Variants in IGF2R observed in about 807,000 individuals in gnomAD.
IGF2R encodes the protein insulin like growth factor 2 receptor.
Under a neutral mutation model 270.6 loss-of-function variants are expected in IGF2R, and 91 were observed. The ratio of observed to expected loss-of-function variants is 0.34; its 90% confidence interval spans 0.28 to 0.40. IGF2R has a LOEUF of 0.40. IGF2R is among the 10% of genes least tolerant of loss of function. The probability of loss-of-function intolerance (pLI) is 1.00; values close to 1 mark genes in which losing one functional copy is unlikely to be tolerated. For synonymous variants in IGF2R, 1,316 were observed against 1,258.9 expected (o/e 1.05, Z -0.96); for missense variants, 2,805 against 3,188.3 (o/e 0.88, Z 2.90).
In IGF2R at chr6:160,070,066, A is replaced by G. The variant is rs755209669; in HGVS notation, c.4443+8A>G. 6.2e-7 allele frequency: 1 copy of G among 1,613,670 alleles called. No homozygotes were observed. Among genetic ancestry groups the G allele is most frequent in the South Asian group, 1.1e-5 (1 of 90,998 alleles). The stretch of plus-strand genomic sequence containing the variant: ...TGCAGCGAGAGCCAAGTGGTAAGGG[A>G]CTGTTCCTGCACCTTCTGCTGTTGC... On this transcript the variant is annotated splice_region_variant and intron_variant, in intron 31 of 47. Coordinates refer to ENST00000356956, the MANE Select transcript of IGF2R (RefSeq NM_000876.4).
rs543225525 is a variant in IGF2R, at chr6:160,030,748, G to A, written c.882+1093G>A. On this transcript the variant is annotated intron_variant, in intron 7 of 47. Coordinates refer to ENST00000356956, the MANE Select transcript of IGF2R (RefSeq NM_000876.4). ...TTGGGAGTTTTCCTCCTTTTTCTTC[G>A]AAGGGGTATGAGGCATTTCTTGGTG... is the stretch of plus-strand genomic sequence containing the variant. Among the ~76,000 whole-genome samples, 10 of 151,878 alleles carry A rather than the reference G, an allele frequency of 6.6e-5. No individual in the cohort carries two copies. In the South Asian group the frequency reaches 2.1e-3, roughly 32 times the overall value.
chr6:160,035,807 G>A (rs761151138), intron 10 of IGF2R, among the ~76,000 whole-genome samples: 12 of 152,196 alleles, frequency 7.9e-5, no homozygotes, highest in Non-Finnish European at 1.3e-4. Context: ...AGAGTAGAGC[G>A]AGTGCTTAGT....
chr6:160,037,155 T>C (rs1291506427), intron 10 of IGF2R, among the ~76,000 whole-genome samples: 1 of 152,180 alleles, frequency 6.6e-6, no homozygotes, highest in Non-Finnish European at 1.5e-5. Flanking sequence ...ATCGTTGTAC[T>C]TAACAAAATT....
chr6:159,971,114 C>T (rs998623000), intron 1 of IGF2R, among the ~76,000 whole-genome samples: 16 of 152,124 alleles, frequency 1.1e-4, no homozygotes, highest in Admixed American at 2.0e-4. Flanking sequence ...AGAAATTAAC[C>T]CAGCTGGCCT....
At chr6:160,083,857 A>G (rs1333502062) in intron 39 of IGF2R, 93 bp from the exon 40 acceptor site, 12 of 882,534 alleles carry the variant, frequency 1.4e-5, no homozygotes, top group Admixed American at 1.9e-5. Context: ...TTTAAAGTAC[A>G]GGGCTTTTTC....
rs1583309711 is a variant in IGF2R at position 160,103,907 on chromosome 6, A to G, written c.7065+92A>G. The G allele has an allele frequency of 6.0e-6, 5 of 836,628 alleles. No homozygotes were observed. The East Asian group carries it at 1.3e-4, about 21-fold the overall frequency. 51.8% of individuals were successfully genotyped at this position (836,628 alleles called of 1,614,324 possible). A position where few individuals can be genotyped will look rare whatever the true frequency, so the allele number is the denominator to read the frequency against. ...CGTTCTCATCAGGGGTGCCAAGGAAAGCAGTCACAGGCTGACTGGAATCCA... is the reference window on the plus strand; with the variant it reads ...CGTTCTCATCAGGGGTGCCAAGGAAGGCAGTCACAGGCTGACTGGAATCCA... On this transcript the variant is annotated intron_variant, in intron 47 of 47. Coordinates refer to ENST00000356956, the MANE Select transcript of IGF2R (RefSeq NM_000876.4).
Position 160,105,779 on chromosome 6 carries a change from C to G in IGF2R, c.*695C>G, listed in dbSNP as rs570594385. ...TTTTGGAGAGTTTGCCTGTTCTATGCCTTTAGTCAGGAATGGCTGCACCTT... is the reference window on the plus strand; with the variant it reads ...TTTTGGAGAGTTTGCCTGTTCTATGGCTTTAGTCAGGAATGGCTGCACCTT... On this transcript the variant is annotated 3_prime_UTR_variant, in exon 48 of 48. Transcript: ENST00000356956. 5.2e-4 allele frequency: 79 copies of G among 152,780 alleles called. No individual in the cohort carries two copies. Among genetic ancestry groups the G allele is most frequent in the African/African-American group, 1.4e-3 (60 of 41,564 alleles). 9.5% of individuals were successfully genotyped at this position (152,780 alleles called of 1,614,324 possible). A position where few individuals can be genotyped will look rare whatever the true frequency, so the allele number is the denominator to read the frequency against.
chr6:160,100,582 G>A (rs931415049), intron 45 of IGF2R, among the ~76,000 whole-genome samples: 9 of 152,110 alleles, frequency 5.9e-5, no homozygotes, highest in Non-Finnish European at 1.2e-4. Flanking sequence ...GATTGAGACA[G>A]CACAGTGAAA....
intron 45 of IGF2R, among the ~76,000 whole-genome samples, chr6:160,098,529 G>T (rs1030046193): frequency 6.6e-6 from 1 of 152,138 alleles, no homozygotes; most frequent in East Asian, 1.9e-4. Context: ...GTAGAATCAT[G>T]TAAATATGGC....
At chr6:160,072,175 G>A (rs553553676) in intron 32 of IGF2R, 139 bp downstream of exon 32, 10 of 1,026,516 alleles carry the variant, frequency 9.7e-6, no homozygotes, top group African/African-American at 1.6e-5. Context: ...GTGTGTGGGT[G>A]TGTTTGGCCT....
chr6:160,107,168 A>G lies in IGF2R; in HGVS notation c.*2084A>G, dbSNP rs1779640147. The G allele has an allele frequency of 6.6e-6, 1 of 152,240 alleles. No individual in the cohort carries two copies. Among genetic ancestry groups the G allele is most frequent in the South Asian group, 2.1e-4 (1 of 4,822 alleles). 9.4% of individuals were successfully genotyped at this position (152,240 alleles called of 1,614,324 possible). A position where few individuals can be genotyped will look rare whatever the true frequency, so the allele number is the denominator to read the frequency against. ...CTGAGGAAGACATGTCAGGTCTTCT[A>G]AAAGTTTACATTATGACCAAAGAAA... On this transcript the variant is annotated 3_prime_UTR_variant, in exon 48 of 48. Transcript: ENST00000356956.
chr6:160,032,139 C>G (rs1777711649), intron 7 of IGF2R, among the ~76,000 whole-genome samples: 1 of 152,172 alleles, frequency 6.6e-6, no homozygotes, highest in African/African-American at 2.4e-5. Context: ...TCCAGTTGAG[C>G]ACCTCGTGGA....
rs1226561777 is a variant in IGF2R, at chr6:160,105,691, G to A, written c.*607G>A. ...TCTCTTTTGCTTTCTGTTTCTTAAGGGCACACACACGTGCGTGCGAGCACA... is the reference window on the plus strand; with the variant it reads ...TCTCTTTTGCTTTCTGTTTCTTAAGAGCACACACACGTGCGTGCGAGCACA... On this transcript the variant is annotated 3_prime_UTR_variant, in exon 48 of 48. Coordinates refer to ENST00000356956, the MANE Select transcript of IGF2R (RefSeq NM_000876.4). 1 of 152,282 alleles carries A rather than the reference G, an allele frequency of 6.6e-6. No individual in the cohort carries two copies. The highest frequency in any genetic ancestry group is 1.5e-5 in the Non-Finnish European group (1 of 68,388). 9.4% of individuals were successfully genotyped at this position (152,282 alleles called of 1,614,324 possible).
chr6:160,074,012 G>GC, intron 35 of IGF2R, 37 bp downstream of exon 35: 1 of 1,494,784 alleles, frequency 6.7e-7, no homozygotes, highest in Non-Finnish European at 9.2e-7. Flanking sequence ...GATAATTTTT[G>GC]CAAGACTTTT....
At chr6:160,062,235 G>A (rs1381470805) in intron 25 of IGF2R, among the ~76,000 whole-genome samples, 2 of 141,508 alleles carry the variant, frequency 1.4e-5, no homozygotes, top group African/African-American at 2.7e-5. Flanking sequence ...GTGCAGTGGT[G>A]CAATCTTGGC....
At position 160,046,658 on chromosome 6, in the gene IGF2R, T is replaced by C; in HGVS notation, c.2051+13T>C. On this transcript the variant is annotated intron_variant, in intron 15 of 47. Coordinates refer to ENST00000356956, the MANE Select transcript of IGF2R (RefSeq NM_000876.4). ...AGGTGGCAAAAAGGCAAGTAGCTTC[T>C]CAGTTCTGTTTCATTCTTAGGCATT... 1 of 1,610,770 alleles carries C rather than the reference T, an allele frequency of 6.2e-7. No homozygotes were observed. Among genetic ancestry groups the C allele is most frequent in the Non-Finnish European group, 8.5e-7 (1 of 1,179,286 alleles).
At position 160,108,914 on chromosome 6, in the gene IGF2R, C is replaced by T. The variant is rs942671236; in HGVS notation, c.*3830C>T. ...GCCAGGATGGTCTCGATCTCCTGACCTCATGATCCACCTGCCTCGGCCTCC... is the reference window on the plus strand; with the variant it reads ...GCCAGGATGGTCTCGATCTCCTGACTTCATGATCCACCTGCCTCGGCCTCC... On this transcript the variant is annotated 3_prime_UTR_variant, in exon 48 of 48. Transcript: ENST00000356956. The T allele has an allele frequency of 2.6e-5, 4 of 152,208 alleles. No individual in the cohort carries two copies. Among genetic ancestry groups the T allele is most frequent in the Admixed American group, 1.3e-4 (2 of 15,278 alleles). The allele number at this position is 152,208 out of a possible 1,614,324, so 9.4% of individuals were successfully genotyped here. A position where few individuals can be genotyped will look rare whatever the true frequency, so the allele number is the denominator to read the frequency against.
At chr6:160,065,780 G>GTA (rs200509960) in intron 29 of IGF2R, among the ~76,000 whole-genome samples, 1 of 104,396 alleles carries the variant, frequency 9.6e-6, no homozygotes, top group Non-Finnish European at 1.9e-5. Flanking sequence ...AGAGATATGT[G>GTA]TATGTGTGTG....
chr6:160,059,106 C>T lies in IGF2R; in HGVS notation c.3091+8C>T, dbSNP rs1199717896. The T allele has an allele frequency of 1.1e-5, 17 of 1,611,546 alleles. No homozygotes were observed. The highest frequency in any genetic ancestry group is 1.4e-5 in the Non-Finnish European group (17 of 1,178,600). ...GGCCTCTCTCTGCCAAAGGTGAGCT[C>T]AGAGCCATGTTGTTTTGTAGCTAAA... On this transcript the variant is annotated splice_region_variant and intron_variant, in intron 22 of 47. Transcript: ENST00000356956.
Sources: gnomAD v4.1 joint callset for allele counts (sites outside exome capture counted in the v4.1 genomes callset) on GRCh38, gnomAD v4.1.1 for gene constraint, MANE v1.5 for transcripts, NCBI Gene and HGNC (gene_info 2026-07-23, HGNC 2026-07-21) for gene names.